The following SLC34A2 variants were observed in gnomAD, a reference collection of about 807,000 sequenced individuals.
SLC34A2 encodes solute carrier family 34 member 2.
A neutral mutation model predicts 50.8 loss-of-function variants in SLC34A2; 41 were observed. The observed-to-expected ratio is 0.81, with a 90% CI of 0.63 to 1.05. SLC34A2 has a LOEUF of 1.05. SLC34A2 is among the 50% of genes least tolerant of loss of function. The pLI, the probability that SLC34A2 is intolerant of heterozygous loss-of-function variation, is 0.00. For missense variants in SLC34A2, 879 were observed against 876.7 expected (o/e 1.00, Z -0.03); for synonymous variants, 401 against 364.2 (o/e 1.10, Z -1.15).
chr4:25,661,650 G>T (rs1315980369), intron 1 of SLC34A2, among the ~76,000 whole-genome samples: 1 of 151,972 alleles, frequency 6.6e-6, no homozygotes. Flanking sequence ...GGCCTCCTAA[G>T]GTGTTGGAGT....
intron 10 of SLC34A2, 108 bp from the exon 11 acceptor site, chr4:25,674,188 A>G: frequency 2.6e-6 from 2 of 766,894 alleles, no homozygotes; most frequent in Admixed American, 1.9e-5. Context: ...ATCTGAGACC[A>G]TATATGGGAT....
At chr4:25,663,629 T>C (rs1279869835) in intron 3 of SLC34A2, among the ~76,000 whole-genome samples, 1 of 148,840 alleles carries the variant, frequency 6.7e-6, no homozygotes, top group Admixed American at 6.7e-5. Flanking sequence ...GGGTGTGGGG[T>C]GGGGAGGAGA....
intron 1 of SLC34A2, among the ~76,000 whole-genome samples, chr4:25,660,439 G>A (rs1448987628): frequency 6.6e-6 from 1 of 152,236 alleles, no homozygotes. Context: ...CTTTTCCAGA[G>A]CTTCTAGCAG....
chr4:25,668,395 G>C (rs1714617723), intron 6 of SLC34A2, among the ~76,000 whole-genome samples: 4 of 152,336 alleles, frequency 2.6e-5, no homozygotes. Context: ...GCTCATGCCT[G>C]TAATCCCAGC....
intron 4 of SLC34A2, chr4:25,665,163 CTTTTT>C (rs10676891): frequency 4.6e-4 from 58 of 127,316 alleles, no homozygotes; most frequent in Middle Eastern, 3.2e-3. Context: ...CTGGACATTG[CTTTTT>C]TTTTTTTTTT....
rs754578808 is a variant in SLC34A2, at chr4:25,669,819, C to T, written c.808C>T (p.Pro270Ser). The part of the protein sequence containing the change: ...APDLLKVITK[P>S]FTKLIVQLDK... ...AGATCTTCTGAAAGTCATCACTAAG[C>T]CCTTCACAAAGCTCATTGTCCAGGT... is the stretch of plus-strand genomic sequence containing the variant. The change falls in exon 7 of 13, where the codon CCC becomes TCC. Residue 270 changes from proline (P) to serine (S), a missense_variant. Physicochemically the swap from Pro to Ser is moderately conservative, Grantham distance 74. Transcript: ENST00000382051. The T allele has an allele frequency of 1.9e-6, 3 of 1,614,132 alleles. No individual in the cohort carries two copies. In the South Asian group the frequency reaches 3.3e-5, roughly 18 times the overall value.
At position 25,676,655 on chromosome 4, in the gene SLC34A2, A is replaced by G; in HGVS notation, c.1979A>G (p.Lys660Arg). 2 of 1,614,206 alleles carry G rather than the reference A, an allele frequency of 1.2e-6. No individual in the cohort carries two copies. Among genetic ancestry groups the G allele is most frequent in the Non-Finnish European group, 1.7e-6 (2 of 1,180,040 alleles). The change falls in exon 13 of 13, where the codon AAG becomes AGG. Residue 660 changes from lysine to arginine, a missense_variant. By Grantham distance (26) the Lys-to-Arg change is conservative. Transcript: ENST00000382051. ...EAQEGQDVPV[K>R]APETFDNITI... ...CAGGAGGGGCAGGATGTCCCTGTCA[A>G]GGCTCCTGAGACCTTTGATAACATA...
At position 25,671,731 on chromosome 4, in the gene SLC34A2, G is replaced by C; in HGVS notation, c.1048+10G>C. ...GAGAACATCGCCAAATGTGAGTGGA[G>C]CTCAGTGGATTGGCCACTATGACAG... is the stretch of plus-strand genomic sequence containing the variant. On this transcript the variant is annotated intron_variant, in intron 9 of 12. Coordinates refer to ENST00000382051, the MANE Select transcript of SLC34A2 (RefSeq NM_006424.3). 1 of 1,614,192 alleles carries C rather than the reference G, an allele frequency of 6.2e-7. No homozygotes were observed. The highest frequency in any genetic ancestry group is 8.5e-7 in the Non-Finnish European group (1 of 1,180,040).
At chr4:25,659,745 C>T (rs1427040662) in intron 1 of SLC34A2, among the ~76,000 whole-genome samples, 3 of 152,152 alleles carry the variant, frequency 2.0e-5, no homozygotes, top group Non-Finnish European at 4.4e-5. Flanking sequence ...CAGAGCCAGC[C>T]CTCCCTCACT....
rs767600254 is a variant in SLC34A2 at position 25,664,223 on chromosome 4, TTC to T, written c.276_277del (p.Cys93PhefsTer26). ...GCAGAGAGAGACACCAAAGGGAAGA[TTC>T]TCTGTTTCTTCCAAGGGATTGGGAG... On this transcript the variant is annotated frameshift_variant, in exon 4 of 13. Transcript: ENST00000382051. LOFTEE classifies it high-confidence loss of function. 5 of 1,576,302 alleles carry T rather than the reference TTC, an allele frequency of 3.2e-6. No homozygotes were observed. In the African/African-American group the frequency reaches 4.1e-5, roughly 13 times the overall value.
chr4:25,665,716 A>G (rs1478924881), intron 4 of SLC34A2, among the ~76,000 whole-genome samples: 2 of 152,186 alleles, frequency 1.3e-5, no homozygotes, highest in African/African-American at 4.8e-5. Context: ...TGAATTGGGT[A>G]TACACCCCAG....
chr4:25,676,885 C>T lies in SLC34A2; in HGVS notation c.*136C>T, dbSNP rs1414161819. Reference sequence around the variant, plus strand: ...GCGAATGAAATTGATGCAGTCCTACCTAACTCGATTCCCTTTGGCTTGGTG... The same window carrying T: ...GCGAATGAAATTGATGCAGTCCTACTTAACTCGATTCCCTTTGGCTTGGTG... On this transcript the variant is annotated 3_prime_UTR_variant, in exon 13 of 13. Coordinates refer to ENST00000382051, the MANE Select transcript of SLC34A2 (RefSeq NM_006424.3). 8 of 1,238,922 alleles carry T rather than the reference C, an allele frequency of 6.5e-6. No individual in the cohort carries two copies. The highest frequency in any genetic ancestry group is 9.0e-6 in the Non-Finnish European group (8 of 893,292). The allele number at this position is 1,238,922 out of a possible 1,614,324, so 76.7% of individuals were successfully genotyped here. A position where few individuals can be genotyped will look rare whatever the true frequency, so the allele number is the denominator to read the frequency against.
Position 25,676,261 on chromosome 4 carries a change from G to T in SLC34A2, c.1585G>T (p.Ala529Ser). 1 of 1,614,158 alleles carries T rather than the reference G, an allele frequency of 6.2e-7. No homozygotes were observed. Among genetic ancestry groups the T allele is most frequent in the Non-Finnish European group, 8.5e-7 (1 of 1,180,036 alleles). ...GNISAKYRWF[A>S]VFYLIIFFFL... is the part of the protein sequence containing the mutation. The stretch of plus-strand genomic sequence containing the variant: ...CATCTCTGCCAAGTATCGCTGGTTC[G>T]CCGTCTTCTACCTGATCATCTTCTT... Residue 529 changes from alanine (A) to serine (S), a missense_variant, in exon 13 of 13, where the codon GCC (alanine) becomes TCC (serine). Coordinates refer to ENST00000382051, the MANE Select transcript of SLC34A2 (RefSeq NM_006424.3).
chr4:25,660,643 T>G (rs1291583634), intron 1 of SLC34A2, among the ~76,000 whole-genome samples: 2 of 152,158 alleles, frequency 1.3e-5, no homozygotes, highest in Non-Finnish European at 2.9e-5. Context: ...CCTCCCAGAT[T>G]CAAGTGATTC....
intron 9 of SLC34A2, among the ~76,000 whole-genome samples, chr4:25,672,616 T>C (rs780082042): frequency 1.3e-5 from 2 of 152,160 alleles, no homozygotes; most frequent in Non-Finnish European, 2.9e-5. Flanking sequence ...CAAGTTAACT[T>C]ACCACCTCCC....
Position 25,670,047 on chromosome 4 carries a change from A to G in SLC34A2, c.831+205A>G, listed in dbSNP as rs111309247. ...AGACCAGCCTGGCCAACATGGCATA[A>G]CCCTGTCTATACTAAAATGCAAAAC... On this transcript the variant is annotated intron_variant, in intron 7 of 12. Transcript: ENST00000382051. Among the ~76,000 whole-genome samples, 564 of 152,250 alleles carry G rather than the reference A, an allele frequency of 3.7e-3. 4 individuals carry two copies. The highest frequency in any genetic ancestry group is 0.013 in the African/African-American group (530 of 41,564).
chr4:25,663,234 A>G (rs1258793196), intron 3 of SLC34A2, among the ~76,000 whole-genome samples: 1 of 152,166 alleles, frequency 6.6e-6, no homozygotes, highest in Non-Finnish European at 1.5e-5. Context: ...GATTACAGGC[A>G]TGAGCCACAG....
rs747225604 is a variant in SLC34A2, at chr4:25,666,240, G to C, written c.492G>C (p.Thr164=). ...TGGTGCAGAGCTCCAGCACCTCAAC[G>C]TCCATCGTTGTCAGCATGGTGTCCT... ...TVLVQSSSTS[T]SIVVSMVSSS... is the part of the protein sequence containing the mutation. Residue 164 remains threonine (T), a synonymous_variant, in exon 5 of 13, where the codon ACG becomes ACC. Coordinates refer to ENST00000382051, the MANE Select transcript of SLC34A2 (RefSeq NM_006424.3). The C allele has an allele frequency of 1.2e-6, 2 of 1,613,964 alleles. No homozygotes were observed. Among genetic ancestry groups the C allele is most frequent in the East Asian group, 4.5e-5 (2 of 44,888 alleles).
rs763745887 is a variant in SLC34A2, at chr4:25,671,588, G to A, written c.928-13G>A. 3 of 1,613,838 alleles carry A rather than the reference G, an allele frequency of 1.9e-6. No homozygotes were observed. On this transcript the variant is annotated splice_polypyrimidine_tract_variant and intron_variant, in intron 8 of 12. Coordinates refer to ENST00000382051, the MANE Select transcript of SLC34A2 (RefSeq NM_006424.3). The stretch of plus-strand genomic sequence containing the variant: ...AGCCAGTGTTGTGGGCATTTGTCAT[G>A]TTTGTCATCCAGACCCAGATTAACG...
Sources: gnomAD v4.1 joint callset for allele counts (sites outside exome capture counted in the v4.1 genomes callset) on GRCh38, gnomAD v4.1.1 for gene constraint, MANE v1.5 for transcripts, NCBI Gene and HGNC (gene_info 2026-07-23, HGNC 2026-07-21) for gene names.